The following FAM227B variants were observed in gnomAD, a reference collection of about 807,000 sequenced individuals.
FAM227B encodes protein FAM227B.
Under a neutral mutation model 73.8 loss-of-function variants are expected in FAM227B, and 88 were observed. The ratio of observed to expected loss-of-function variants is 1.19; its 90% CI spans 1.00 to 1.42. FAM227B has a LOEUF of 1.42. Among genes scored for constraint, FAM227B ranks in the 40% most tolerant of loss-of-function variants. The probability of loss-of-function intolerance (pLI) is 0.00; values close to 1 mark genes in which losing one functional copy is unlikely to be tolerated. For synonymous variants in FAM227B, 210 were observed against 190.5 expected (o/e 1.10, Z -0.84); for missense variants, 632 against 590.9 (o/e 1.07, Z -0.72).
chr15:49,565,381 C>CAAA (rs3075974), intron 9 of FAM227B, among the ~76,000 whole-genome samples: 97 of 90,262 alleles, frequency 1.1e-3, no homozygotes, highest in African/African-American at 1.7e-3. Context: ...GACTCCATCT[C>CAAA]AAAAAAAAAA....
chr15:49,343,305 G>T (rs1225608604), intron 13 of FAM227B, among the ~76,000 whole-genome samples: 1 of 151,754 alleles, frequency 6.6e-6, no homozygotes, highest in Admixed American at 6.6e-5. Flanking sequence ...CTTCTGCTTG[G>T]AACAGTCTAT....
intron 8 of FAM227B, among the ~76,000 whole-genome samples, chr15:49,569,404 A>G (rs1422140651): frequency 1.3e-5 from 2 of 151,582 alleles, no homozygotes; most frequent in Non-Finnish European, 3.0e-5. Flanking sequence ...CCTTCTGTTA[A>G]CTTAGGATTT....
intron 13 of FAM227B, among the ~76,000 whole-genome samples, chr15:49,357,573 A>C (rs903914492): frequency 1.1e-3 from 165 of 151,582 alleles, no homozygotes; most frequent in African/African-American, 3.7e-3. Flanking sequence ...CAATAACAGG[A>C]GCTGAAATTG....
chr15:49,424,410 A>G, intron 11 of FAM227B: 1 of 1,613,732 alleles, frequency 6.2e-7, no homozygotes. Flanking sequence ...ATGACTCCAG[A>G]GCAAATGGCT....
At chr15:49,490,663 T>C (rs566652692) in intron 11 of FAM227B, among the ~76,000 whole-genome samples, 1 of 152,148 alleles carries the variant, frequency 6.6e-6, no homozygotes, top group East Asian at 1.9e-4. Flanking sequence ...ATTAGAATCA[T>C]ACTCAGAGGA....
chr15:49,578,139 T>C (rs1298716621), intron 5 of FAM227B, among the ~76,000 whole-genome samples: 2 of 152,236 alleles, frequency 1.3e-5, no homozygotes, highest in Non-Finnish European at 2.9e-5. Context: ...GCTGAAAGTA[T>C]TGATCAGAGC....
At chr15:49,515,680 A>G (rs927024364) in intron 10 of FAM227B, among the ~76,000 whole-genome samples, 1 of 152,132 alleles carries the variant, frequency 6.6e-6, no homozygotes, top group African/African-American at 2.4e-5. Context: ...TCTTGTTGCT[A>G]TTATTACTTT....
intron 10 of FAM227B, among the ~76,000 whole-genome samples, chr15:49,523,543 A>G (rs1342896468): frequency 6.6e-6 from 1 of 152,168 alleles, no homozygotes. Context: ...CTTTATTAGC[A>G]GCACAAAAGC....
chr15:49,408,572 C>T lies in FAM227B; in HGVS notation c.1013-37173G>A, dbSNP rs111753854. Among the ~76,000 whole-genome samples, 5 of 152,246 alleles carry T rather than the reference C, an allele frequency of 3.3e-5. No individual in the cohort carries two copies. In the East Asian group the frequency reaches 7.7e-4, roughly 23 times the overall value. On this transcript the variant is annotated intron_variant, in intron 11 of 15. Coordinates refer to ENST00000299338, the MANE Select transcript of FAM227B (RefSeq NM_152647.3). Reference sequence around the variant, plus strand: ...AACTATCTAAATTGATCTTCCATATCCTTTAACATTTCTCTATTTTCTGCC... The same window carrying T: ...AACTATCTAAATTGATCTTCCATATTCTTTAACATTTCTCTATTTTCTGCC...
intron 11 of FAM227B, among the ~76,000 whole-genome samples, chr15:49,492,985 G>A (rs1274378791): frequency 6.6e-6 from 1 of 151,780 alleles, no homozygotes; most frequent in African/African-American, 2.4e-5. Flanking sequence ...TAATAATGTA[G>A]TCATTGTTAC....
At chr15:49,510,934 T>C (rs989543827) in intron 10 of FAM227B, among the ~76,000 whole-genome samples, 7 of 152,016 alleles carry the variant, frequency 4.6e-5, no homozygotes, top group African/African-American at 1.7e-4. Context: ...TACAATTCTG[T>C]TTCTTAATCT....
intron 3 of FAM227B, among the ~76,000 whole-genome samples, chr15:49,591,029 G>GTTTTTTTTTTTTTTTTTTTTTTTTT (rs71424023): frequency 6.6e-5 from 7 of 105,594 alleles, no homozygotes; most frequent in Admixed American, 9.7e-5. Flanking sequence ...TCTTTTTTTT[G>GTTTTTTTTTTTTTTTTTTTTTTTTT]TTTTTTTTTT....
intron 11 of FAM227B, among the ~76,000 whole-genome samples, chr15:49,498,933 G>T (rs943601590): frequency 6.6e-6 from 1 of 151,792 alleles, no homozygotes; most frequent in Non-Finnish European, 1.5e-5. Flanking sequence ...TTGGGAGGCC[G>T]AGGCGGGCGG....
intron 9 of FAM227B, among the ~76,000 whole-genome samples, chr15:49,558,121 CT>C (rs879322119): frequency 0.33 from 49,544 of 151,656 alleles, 8,828 homozygotes; most frequent in African/African-American, 0.46. Context: ...CTCCTAATGC[CT>C]AATGCCCCAA....
intron 8 of FAM227B, among the ~76,000 whole-genome samples, chr15:49,570,438 C>T (rs1276361107): frequency 6.6e-6 from 1 of 151,836 alleles, no homozygotes; most frequent in Non-Finnish European, 1.5e-5. Flanking sequence ...GTTCACATAG[C>T]TATTTGTATG....
At chr15:49,483,034 T>C (rs1433009615) in intron 11 of FAM227B, 3 of 702,162 alleles carry the variant, frequency 4.3e-6, no homozygotes, top group Non-Finnish European at 7.7e-6. Context: ...GAGTAAATAA[T>C]CACATTAAAA....
At chr15:49,523,359 A>G (rs1818307) in intron 10 of FAM227B, among the ~76,000 whole-genome samples, 143,737 of 152,122 alleles carry the variant, frequency 0.94, 68,441 homozygotes, top group East Asian at 1. Flanking sequence ...AGATCTGATA[A>G]TTTAAAAAAT....
At chr15:49,354,413 G>A (rs994101520) in intron 13 of FAM227B, among the ~76,000 whole-genome samples, 2 of 152,218 alleles carry the variant, frequency 1.3e-5, no homozygotes, top group Admixed American at 1.3e-4. Context: ...CCGAAGCAGG[G>A]CGAGGCATTG....
chr15:49,474,884 C>G (rs1329151001), intron 11 of FAM227B, among the ~76,000 whole-genome samples: 2 of 152,298 alleles, frequency 1.3e-5, no homozygotes, highest in East Asian at 3.9e-4. Context: ...TGAACCTCCC[C>G]CCGGCTCCCG....
Sources: allele counts gnomAD v4.1 joint callset (sites outside exome capture counted in the v4.1 genomes callset), GRCh38; gene constraint gnomAD v4.1.1; transcripts MANE v1.5; gene names NCBI Gene and HGNC (gene_info 2026-07-23, HGNC 2026-07-21).